The following CRELD2 variants were observed in gnomAD, a reference collection of about 807,000 sequenced individuals.
CRELD2 encodes protein disulfide isomerase CRELD2.
A neutral mutation model predicts 48.1 loss-of-function variants in CRELD2; 33 were observed. That is an observed-to-expected ratio of 0.69 (90% CI 0.52 to 0.92). The LOEUF (loss-of-function observed/expected upper bound fraction) is 0.92. CRELD2 is among the 40% of genes least tolerant of loss of function. The pLI is 0.00. For synonymous variants in CRELD2, 220 were observed against 203.9 expected, an observed-to-expected ratio of 1.08 and a Z score of -0.67; for missense variants, 477 against 482.4, an observed-to-expected ratio of 0.99 and a Z score of 0.10.
Position 49,924,438 on chromosome 22 carries a change from A to T in CRELD2, c.851A>T (p.Glu284Val). ...GAGTGTATCTCTGGCTACGCGAGGG[A>T]GCACGGACAGTGTGCAGGTCAGTGA... ...CKECISGYAR[E>V]HGQCADVDEC... is the part of the protein sequence containing the mutation. Residue 284 changes from glutamate to valine, a missense_variant, in exon 8 of 10, where the codon GAG becomes GTG. Transcript: ENST00000328268. 1 of 1,608,538 alleles carries T rather than the reference A, an allele frequency of 6.2e-7. No individual in the cohort carries two copies. Among genetic ancestry groups the T allele is most frequent in the Non-Finnish European group, 8.5e-7 (1 of 1,177,368 alleles).
At chr22:49,927,224 G>A in intron 9 of CRELD2, 31 bp from the exon 10 acceptor site, 1 of 1,608,436 alleles carries the variant, frequency 6.2e-7, no homozygotes, top group Non-Finnish European at 8.5e-7. Flanking sequence ...TTTGTGCTCA[G>A]CCTTGACGAC....
intron 6 of CRELD2, 39 bp downstream of exon 6, chr22:49,922,746 GAGGCGTGGGGGGTGTGAGATGGGGGCGTA>G (rs1183070589): frequency 1.0e-5 from 13 of 1,290,410 alleles, no homozygotes; most frequent in South Asian, 6.7e-5. Flanking sequence ...GCGCCTGCGT[GAGGCGTGGGGGGTGTGAGATGGGGGCGTA>G]AGGCGTGGGG....
chr22:49,925,363 C>G (rs1444634846), intron 8 of CRELD2, 54 bp from the exon 9 acceptor site: 1 of 1,129,862 alleles, frequency 8.9e-7, no homozygotes, highest in African/African-American at 1.5e-5. Flanking sequence ...TTTCATAATC[C>G]GCTGCGCGTC....
At chr22:49,920,042 A>G (rs776044018) in intron 3 of CRELD2, 114 bp from the exon 4 acceptor site, 5 of 792,232 alleles carry the variant, frequency 6.3e-6, no homozygotes, top group African/African-American at 5.2e-5. Context: ...CCACACCTAG[A>G]CTCTTGTTTC....
rs559149746 is a variant in CRELD2 at position 49,927,313 on chromosome 22, C to T, written c.*6C>T. 3.7e-5 allele frequency: 59 copies of T among 1,609,766 alleles called. No homozygotes were observed. Among genetic ancestry groups the T allele is most frequent in the South Asian group, 3.3e-4 (30 of 91,030 alleles). Reference sequence around the variant, plus strand: ...CCTCCCGCGAAGACCTGTAATGTGCCGGACTTACCCTTTAAATTATTCAGA... The same window carrying T: ...CCTCCCGCGAAGACCTGTAATGTGCTGGACTTACCCTTTAAATTATTCAGA... On this transcript the variant is annotated 3_prime_UTR_variant, in exon 10 of 10. Coordinates refer to ENST00000328268, the MANE Select transcript of CRELD2 (RefSeq NM_024324.5).
At position 49,921,909 on chromosome 22, in the gene CRELD2, A is replaced by T. The variant is rs1226391064; in HGVS notation, c.592+148A>T. ...CTTCGAGGGCCCAGAAGGATGAATG[A>T]AAACATCAGAGGATAGAGGCAGAGG... On this transcript the variant is annotated intron_variant, in intron 5 of 9. Transcript: ENST00000328268. 12 of 782,414 alleles carry T rather than the reference A, an allele frequency of 1.5e-5. No homozygotes were observed. In the Admixed American group the frequency reaches 3.4e-4, roughly 22 times the overall value. The allele number at this position is 782,414 out of a possible 1,614,324, so 48.5% of individuals were successfully genotyped here.
Position 49,918,874 on chromosome 22 carries a change from G to T in CRELD2, c.105G>T (p.Arg35=). ...AGCCGACGCCCTGCCACCGGTGCCG[G>T]GGGCTGGTGGACAAGTTTAACCAGG... is the stretch of plus-strand genomic sequence containing the variant. The part of the protein sequence containing the change: ...AKKPTPCHRC[R]GLVDKFNQGM... The change falls in exon 1 of 10, where the codon CGG becomes CGT. Residue 35 remains arginine (R), a synonymous_variant. Transcript: ENST00000328268. The T allele has an allele frequency of 7.7e-7, 1 of 1,299,806 alleles. No homozygotes were observed. Among genetic ancestry groups the T allele is most frequent in the South Asian group, 2.2e-5 (1 of 45,676 alleles). The allele number at this position is 1,299,806 out of a possible 1,614,324, so 80.5% of individuals were successfully genotyped here.
At chr22:49,927,032 C>T (rs558637629) in intron 9 of CRELD2, among the ~76,000 whole-genome samples, 59 of 149,678 alleles carry the variant, frequency 3.9e-4, no homozygotes, top group Admixed American at 5.3e-4. Flanking sequence ...TCTGCATCCT[C>T]CACACCCACG....
chr22:49,924,366 A>T lies in CRELD2; in HGVS notation c.779A>T (p.Asp260Val). The change falls in exon 8 of 10, where the codon GAC (aspartate) becomes GTC (valine). Residue 260 changes from aspartate (D) to valine (V), a missense_variant. Physicochemically the swap from Asp to Val is radical, Grantham distance 152 (BLOSUM62 -3). Coordinates refer to ENST00000328268, the MANE Select transcript of CRELD2 (RefSeq NM_024324.5). ...CGCTGGCTCCCTGTTGCAGAGTGTG[A>T]CTCCAGCTGTGTGGGCTGCACAGGG... is the stretch of plus-strand genomic sequence containing the variant. ...ANGSYTCEEC[D>V]SSCVGCTGEG... 1.9e-6 allele frequency: 3 copies of T among 1,610,620 alleles called. No homozygotes were observed. The highest frequency in any genetic ancestry group is 2.5e-6 in the Non-Finnish European group (3 of 1,178,554).
intron 5 of CRELD2, chr22:49,922,296 G>T (rs1396882394): frequency 2.5e-6 from 3 of 1,217,776 alleles, no homozygotes; most frequent in Middle Eastern, 4.3e-4. Flanking sequence ...CCCCTCAGCA[G>T]TCAGGACCGG....
chr22:49,926,953 C>T (rs1307973427), intron 9 of CRELD2, among the ~76,000 whole-genome samples: 1 of 125,900 alleles, frequency 7.9e-6, no homozygotes, highest in Non-Finnish European at 1.7e-5. Context: ...CCCTCTTTCT[C>T]CTCCCGCCAC....
chr22:49,923,326 G>A lies in CRELD2; in HGVS notation c.772+9G>A, dbSNP rs1332071431. On this transcript the variant is annotated intron_variant, in intron 7 of 9. Coordinates refer to ENST00000328268, the MANE Select transcript of CRELD2 (RefSeq NM_024324.5). The stretch of plus-strand genomic sequence containing the variant: ...CTCCTACACGTGCGAAGGTGGGCCA[G>A]GCGGGCGGGTCTGCACTCCGGGGCC... The A allele has an allele frequency of 1.4e-6, 2 of 1,481,186 alleles. No individual in the cohort carries two copies. Among genetic ancestry groups the A allele is most frequent in the Non-Finnish European group, 1.8e-6 (2 of 1,104,518 alleles). The allele number at this position is 1,481,186 out of a possible 1,614,324, so 91.8% of individuals were successfully genotyped here.
Position 49,920,163 on chromosome 22 carries a change from G to A in CRELD2, c.331G>A (p.Glu111Lys), listed in dbSNP as rs761993336. The part of the protein sequence containing the change: ...LEAWWLQLKS[E>K]YPDLFEWFCV... ...GTTTTCCTCCATCCTCAGGAAGAGCGAATATCCTGACTTATTCGAGTGGTT... is the reference window on the plus strand; with the variant it reads ...GTTTTCCTCCATCCTCAGGAAGAGCAAATATCCTGACTTATTCGAGTGGTT... The change falls in exon 4 of 10, where the codon GAA becomes AAA. Residue 111 changes from glutamate to lysine, a missense_variant. By Grantham distance (56) the Glu-to-Lys change is moderately conservative (BLOSUM62 1). Transcript: ENST00000328268. The A allele has an allele frequency of 1.1e-5, 18 of 1,610,088 alleles. No individual in the cohort carries two copies. The highest frequency in any genetic ancestry group is 4.0e-5 in the African/African-American group (3 of 74,780).
At position 49,927,291 on chromosome 22, in the gene CRELD2, C is replaced by G; in HGVS notation, c.1046C>G (p.Ser349Cys). The change falls in exon 10 of 10, where the codon TCC (serine) becomes TGC (cysteine). Residue 349 changes from serine (S) to cysteine (C), a missense_variant. Physicochemically the swap from Ser to Cys is moderately radical, Grantham distance 112 (BLOSUM62 -1). Transcript: ENST00000328268. ...GGAGAAAGCCCGACACAGCTGCCCT[C>G]CCGCGAAGACCTGTAATGTGCCGGA... The part of the protein sequence containing the change: ...TEGESPTQLP[S>C]REDL The G allele has an allele frequency of 6.2e-7, 1 of 1,612,248 alleles. No homozygotes were observed. Among genetic ancestry groups the G allele is most frequent in the Non-Finnish European group, 8.5e-7 (1 of 1,179,618 alleles).
intron 5 of CRELD2, 119 bp from the exon 6 acceptor site, chr22:49,922,493 T>C (rs2060701252): frequency 2.0e-6 from 3 of 1,525,044 alleles, no homozygotes; most frequent in Non-Finnish European, 1.8e-6. Context: ...TTTAAATTCA[T>C]GGGCACTGAA....
chr22:49,918,651 G>T lies in CRELD2; in HGVS notation c.-119G>T, dbSNP rs979555558. ...GGTGGGGCGGGGCCTCGCCGGCGCC[G>T]TCAAGTAGCCTGGGGGACAGGCCGG... On this transcript the variant is annotated 5_prime_UTR_variant, in exon 1 of 10. Transcript: ENST00000328268. The T allele has an allele frequency of 5.5e-6, 2 of 366,672 alleles. No homozygotes were observed. Among genetic ancestry groups the T allele is most frequent in the East Asian group, 4.3e-5 (1 of 23,122 alleles). The allele number at this position is 366,672 out of a possible 1,614,324, so 22.7% of individuals were successfully genotyped here. A position where few individuals can be genotyped will look rare whatever the true frequency, so the allele number is the denominator to read the frequency against.
rs1601848070 is a variant in CRELD2, at chr22:49,924,658, C to G, written c.868+203C>G. On this transcript the variant is annotated intron_variant, in intron 8 of 9. Coordinates refer to ENST00000328268, the MANE Select transcript of CRELD2 (RefSeq NM_024324.5). ...GGGTGGGGGACGGGCTCTGCATGGC[C>G]GACCCTGGTGTGGATGGCGCTGCTG... is the stretch of plus-strand genomic sequence containing the variant. The G allele has an allele frequency of 1.3e-4, 59 of 452,378 alleles. No homozygotes were observed. In the South Asian group the frequency reaches 1.6e-3, roughly 12 times the overall value. The allele number at this position is 452,378 out of a possible 1,614,324, so 28.0% of individuals were successfully genotyped here.
In CRELD2 at chr22:49,927,371, TGCC is replaced by T; in HGVS notation, c.*66_*68del. 1 of 1,375,468 alleles carries T rather than the reference TGCC, an allele frequency of 7.3e-7. No homozygotes were observed. Among genetic ancestry groups the T allele is most frequent in the Non-Finnish European group, 1.0e-6 (1 of 964,274 alleles). 85.2% of individuals were successfully genotyped at this position (1,375,468 alleles called of 1,614,324 possible). On this transcript the variant is annotated 3_prime_UTR_variant, in exon 10 of 10. Coordinates refer to ENST00000328268, the MANE Select transcript of CRELD2 (RefSeq NM_024324.5). ...CCCGTGGAAAATGTGGCCCTGAGGA[TGCC>T]GTCTCCTGCAGTGGACAGCGGCGGG...
In CRELD2 at chr22:49,927,158, C is replaced by T. The variant is rs79091988; in HGVS notation, c.1010-97C>T. The T allele has an allele frequency of 1.0e-3, 1,096 of 1,089,652 alleles. 8 individuals are homozygous for T. In the African/African-American group the frequency reaches 0.016, roughly 16 times the overall value. 67.5% of individuals were successfully genotyped at this position (1,089,652 alleles called of 1,614,324 possible). On this transcript the variant is annotated intron_variant, in intron 9 of 9. Coordinates refer to ENST00000328268, the MANE Select transcript of CRELD2 (RefSeq NM_024324.5). ...TCCGGGGCTTTGAGCCAGGACTGGA[C>T]GGGCAGGCCCTGCACATGCGCTGCT...
Sources: gnomAD v4.1 joint callset for allele counts (sites outside exome capture counted in the v4.1 genomes callset) on GRCh38, gnomAD v4.1.1 for gene constraint, MANE v1.5 for transcripts, NCBI Gene and HGNC (gene_info 2026-07-23, HGNC 2026-07-21) for gene names.